Variants in TESC observed in about 807,000 individuals in gnomAD.
TESC encodes the protein tescalcin.
In TESC, 19 loss-of-function variants were observed where a neutral mutation model predicts 31.0. The ratio of observed to expected loss-of-function variants is 0.61; its 90% CI spans 0.43 to 0.90. The LOEUF (loss-of-function observed/expected upper bound fraction) is 0.90, where lower values mean the gene tolerates loss of function less well. TESC is among the 40% of genes least tolerant of loss of function. The pLI, the probability that TESC is intolerant of heterozygous loss-of-function variation, is 0.00. For synonymous variants in TESC, 109 were observed against 114.8 expected, an observed-to-expected ratio of 0.95 and a Z score of 0.32; for missense variants, 248 against 303.8, an observed-to-expected ratio of 0.82 and a Z score of 1.36.
chr12:117,069,574 T>C (rs1480534483), intron 2 of TESC, among the ~76,000 whole-genome samples: 2 of 152,096 alleles, frequency 1.3e-5, no homozygotes, highest in Non-Finnish European at 2.9e-5. Context: ...TACCGGGCTG[T>C]GTAAAGAACC....
At chr12:117,061,595 G>A (rs976552231) in intron 2 of TESC, among the ~76,000 whole-genome samples, 1 of 152,216 alleles carries the variant, frequency 6.6e-6, no homozygotes, top group South Asian at 2.1e-4. Context: ...GTCCCCAGGT[G>A]CTGGCTTCAC....
At chr12:117,047,512 C>G (rs1439229611) in intron 4 of TESC, among the ~76,000 whole-genome samples, 1 of 152,118 alleles carries the variant, frequency 6.6e-6, no homozygotes, top group Admixed American at 6.5e-5. Context: ...GCAACCTCTG[C>G]CTCCTGGGTT....
chr12:117,079,905 C>T (rs896614035), intron 1 of TESC, among the ~76,000 whole-genome samples: 4 of 152,186 alleles, frequency 2.6e-5, no homozygotes, highest in Non-Finnish European at 5.9e-5. Flanking sequence ...CTCAATAAAG[C>T]TATTTAAAAA....
chr12:117,072,870 TG>T, intron 2 of TESC, among the ~76,000 whole-genome samples: 1 of 152,306 alleles, frequency 6.6e-6, no homozygotes, highest in South Asian at 2.1e-4. Flanking sequence ...CTTGAACCCC[TG>T]GGTTCAAGTG....
At chr12:117,057,836 G>C (rs762377512) in intron 2 of TESC, among the ~76,000 whole-genome samples, 1 of 152,136 alleles carries the variant, frequency 6.6e-6, no homozygotes, top group Non-Finnish European at 1.5e-5. Context: ...TGCAATCCTG[G>C]CTCACTGCAA....
chr12:117,048,923 C>A, intron 4 of TESC, 96 bp downstream of exon 4: 1 of 1,582,078 alleles, frequency 6.3e-7, no homozygotes, highest in Non-Finnish European at 8.6e-7. Context: ...CCAATGCACA[C>A]CCAGCCTCCT....
chr12:117,084,682 G>C (rs577326207), intron 1 of TESC, among the ~76,000 whole-genome samples: 1 of 152,216 alleles, frequency 6.6e-6, no homozygotes, highest in African/African-American at 2.4e-5. Flanking sequence ...AGGAGCAGAG[G>C]AGCAGGCCTG....
At chr12:117,039,705 C>A (rs920416832) in intron 7 of TESC, among the ~76,000 whole-genome samples, 1 of 152,230 alleles carries the variant, frequency 6.6e-6, no homozygotes, top group Non-Finnish European at 1.5e-5. Context: ...ATTTAAGGAT[C>A]TCCACAGTGT....
In TESC at chr12:117,093,085, G is replaced by C. The variant is rs77518688; in HGVS notation, c.58+6140C>G. 5.7e-3 allele frequency among the ~76,000 whole-genome samples: 870 copies of C among 152,324 alleles called. 6 individuals are homozygous for C. The highest frequency in any genetic ancestry group is 0.02 in the African/African-American group (814 of 41,578). On this transcript the variant is annotated intron_variant, in intron 1 of 7. Coordinates refer to ENST00000335209, the MANE Select transcript of TESC (RefSeq NM_017899.4). Reference sequence around the variant, plus strand: ...AAGCTTTGGCGGACGACAGAACAGTGTGGAGCTGGCTGGTCCACCCTGGCC... The same window carrying C: ...AAGCTTTGGCGGACGACAGAACAGTCTGGAGCTGGCTGGTCCACCCTGGCC...
intron 2 of TESC, among the ~76,000 whole-genome samples, chr12:117,066,782 C>T (rs559362008): frequency 6.6e-6 from 1 of 152,166 alleles, no homozygotes; most frequent in Admixed American, 6.5e-5. Flanking sequence ...GGAAGGGGAG[C>T]CTCCCCTTCT....
chr12:117,075,871 GTGTGTATATATATA>G (rs1565971422), intron 1 of TESC, among the ~76,000 whole-genome samples: 36 of 45,104 alleles, frequency 8.0e-4, no homozygotes, highest in African/African-American at 3.7e-3. Context: ...ATATATATAT[GTGTGTATATATATA>G]TATATATATA....
chr12:117,040,102 C>T (rs1230477956), intron 7 of TESC, among the ~76,000 whole-genome samples: 3 of 152,212 alleles, frequency 2.0e-5, no homozygotes, highest in Non-Finnish European at 4.4e-5. Context: ...AGGCTGGTAA[C>T]GGGGGAAAGT....
intron 3 of TESC, among the ~76,000 whole-genome samples, chr12:117,049,710 G>A (rs1303413736): frequency 2.0e-5 from 3 of 152,008 alleles, no homozygotes; most frequent in Non-Finnish European, 2.9e-5. Context: ...AGACCAGCCT[G>A]GCCAACATGA....
chr12:117,040,751 C>G (rs1230731596), intron 7 of TESC, among the ~76,000 whole-genome samples: 2 of 152,230 alleles, frequency 1.3e-5, no homozygotes, highest in Non-Finnish European at 2.9e-5. Flanking sequence ...TCCTTTCAGC[C>G]TTTCATCACA....
chr12:117,092,948 C>T (rs951883561), intron 1 of TESC, among the ~76,000 whole-genome samples: 13 of 152,230 alleles, frequency 8.5e-5, no homozygotes, highest in African/African-American at 2.9e-4. Flanking sequence ...AATTCCACAT[C>T]CTATTTCATG....
chr12:117,049,120 A>T lies in TESC; in HGVS notation c.248T>A (p.Ile83Asn). The T allele has an allele frequency of 6.2e-7, 1 of 1,614,180 alleles. No individual in the cohort carries two copies. The highest frequency in any genetic ancestry group is 1.1e-5 in the South Asian group (1 of 91,082). ...GATGGTCAGGAAGTCCTCGAAATTG[A>T]TCTCATCAGCCAGGCCACTGGGTCC... ...RKGPSGLADE[I>N]NFEDFLTIMS... The change falls in exon 4 of 8, where the codon ATC becomes AAC. Residue 83 changes from isoleucine (I) to asparagine (N), a missense_variant. Coordinates refer to ENST00000335209, the MANE Select transcript of TESC (RefSeq NM_017899.4).
At chr12:117,065,604 G>A (rs1593007079) in intron 2 of TESC, among the ~76,000 whole-genome samples, 1 of 152,290 alleles carries the variant, frequency 6.6e-6, no homozygotes, top group Non-Finnish European at 1.5e-5. Context: ...AGATGTAGGA[G>A]CTGGCCGGGC....
At chr12:117,044,623 C>T (rs1003208248) in intron 6 of TESC, among the ~76,000 whole-genome samples, 1 of 152,186 alleles carries the variant, frequency 6.6e-6, no homozygotes, top group Non-Finnish European at 1.5e-5. Context: ...CACAGGCCGG[C>T]GCGACGGCTC....
At position 117,091,957 on chromosome 12, in the gene TESC, G is replaced by A. The variant is rs540703518; in HGVS notation, c.58+7268C>T. Among the ~76,000 whole-genome samples, 83 of 152,272 alleles carry A rather than the reference G, an allele frequency of 5.5e-4. 1 individual carries two copies. The highest frequency in any genetic ancestry group is 3.9e-3 in the South Asian group (19 of 4,824). ...GGGGTTCTCGGCATGCGGGAGAGGC[G>A]GTTTCTCCCGGCACTGCACTTGGCA... On this transcript the variant is annotated intron_variant, in intron 1 of 7. Coordinates refer to ENST00000335209, the MANE Select transcript of TESC (RefSeq NM_017899.4).
Sources: gnomAD v4.1 joint callset for allele counts (sites outside exome capture counted in the v4.1 genomes callset) on GRCh38, gnomAD v4.1.1 for gene constraint, MANE v1.5 for transcripts, NCBI Gene and HGNC (gene_info 2026-07-23, HGNC 2026-07-21) for gene names.